The following RASSF8 variants were observed in gnomAD, a reference collection of about 807,000 sequenced individuals.
The protein encoded by RASSF8 is ras association domain-containing protein 8.
RASSF8 carries 22 observed loss-of-function variants against 48.5 expected under a neutral mutation model. The ratio of observed to expected loss-of-function variants is 0.45; its 90% CI spans 0.32 to 0.65. RASSF8 has a LOEUF of 0.65. RASSF8 is among the 30% of genes least tolerant of loss of function. RASSF8 has a pLI of 0.03. For synonymous variants in RASSF8, 127 were observed against 171.5 expected, an observed-to-expected ratio of 0.74 and a Z score of 2.03; for missense variants, 418 against 489.2, an observed-to-expected ratio of 0.85 and a Z score of 1.37.
At chr12:26,022,734 ATTTCTTTCTTTCTTT>A (rs1942816010) in intron 2 of RASSF8, among the ~76,000 whole-genome samples, 1 of 151,816 alleles carries the variant, frequency 6.6e-6, no homozygotes, top group African/African-American at 2.4e-5. Flanking sequence ...TCCACAGTTG[ATTTCTTTCTTTCTTT>A]TTTTTTTGAG....
intron 2 of RASSF8, among the ~76,000 whole-genome samples, chr12:26,025,484 C>G (rs1296443254): frequency 2.0e-5 from 3 of 150,986 alleles, no homozygotes. Flanking sequence ...ATGGCGTGAA[C>G]CCGGGAGATG....
chr12:25,987,505 TA>T (rs1408116847), intron 1 of RASSF8, among the ~76,000 whole-genome samples: 44 of 152,304 alleles, frequency 2.9e-4, no homozygotes, highest in African/African-American at 9.4e-4. Context: ...ACAGGTAAAG[TA>T]TAATCTGTAC....
chr12:26,039,520 G>A (rs1266081122), intron 2 of RASSF8, among the ~76,000 whole-genome samples: 1 of 152,036 alleles, frequency 6.6e-6, no homozygotes, highest in African/African-American at 2.4e-5. Flanking sequence ...TAAATGCCTT[G>A]CCTAACTTTG....
chr12:26,077,022 T>C (rs954421405), downstream of RASSF8, among the ~76,000 whole-genome samples: 1 of 152,272 alleles, frequency 6.6e-6, no homozygotes, highest in African/African-American at 2.4e-5. Context: ...CCAGTGATGA[T>C]GAACATTTTT....
In RASSF8 at chr12:26,069,835, A is replaced by G. The variant is rs10129050; in HGVS notation, c.*1017A>G. 243,044 of 983,734 alleles carry G rather than the reference A, an allele frequency of 0.25. 30,673 individuals carry two copies. Among genetic ancestry groups the G allele is most frequent in the Middle Eastern group, 0.29 (559 of 1,912 alleles). The allele number at this position is 983,734 out of a possible 1,614,324, so 60.9% of individuals were successfully genotyped here. A position where few individuals can be genotyped will look rare whatever the true frequency, so the allele number is the denominator to read the frequency against. ...ACATAATTTGCTCTGCATATTATGG[A>G]CCATTGTGGTTTCTTCCAGTCACTT... On this transcript the variant is annotated 3_prime_UTR_variant, in exon 6 of 6. Coordinates refer to ENST00000689635, the MANE Select transcript of RASSF8 (RefSeq NM_001394098.1).
rs1591823591 is a variant in RASSF8, at chr12:26,070,591, TTCTA to T, written c.*1778_*1781del. On this transcript the variant is annotated 3_prime_UTR_variant, in exon 6 of 6. Transcript: ENST00000689635. ...TTGCTCACAATTTATAGTAGTTATTTTCTATCTACCTATATTTAAAATTAGGATG... is the reference window on the plus strand; with the variant it reads ...TTGCTCACAATTTATAGTAGTTATTTTCTACCTATATTTAAAATTAGGATG... The T allele has an allele frequency of 1.0e-6, 1 of 966,760 alleles. No individual in the cohort carries two copies. The highest frequency in any genetic ancestry group is 1.8e-5 in the African/African-American group (1 of 56,782). The allele number at this position is 966,760 out of a possible 1,614,324, so 59.9% of individuals were successfully genotyped here.
At chr12:25,984,321 C>T (rs564125442) in intron 1 of RASSF8, among the ~76,000 whole-genome samples, 22 of 150,746 alleles carry the variant, frequency 1.5e-4, no homozygotes, top group African/African-American at 4.9e-4. Context: ...TCAAGCCATC[C>T]TCCTGCTTCA....
At chr12:26,054,178 A>G (rs1200334414) in intron 2 of RASSF8, among the ~76,000 whole-genome samples, 4 of 152,242 alleles carry the variant, frequency 2.6e-5, no homozygotes, top group Admixed American at 2.0e-4. Context: ...CCACAAAACA[A>G]TGGACAAACA....
In RASSF8 at chr12:26,055,488, T is replaced by C. The variant is rs747263758; in HGVS notation, c.103+42T>C. 3 of 1,471,364 alleles carry C rather than the reference T, an allele frequency of 2.0e-6. No homozygotes were observed. The Admixed American group carries it at 5.0e-5, about 25-fold the overall frequency. The allele number at this position is 1,471,364 out of a possible 1,614,324, so 91.1% of individuals were successfully genotyped here. A position where few individuals can be genotyped will look rare whatever the true frequency, so the allele number is the denominator to read the frequency against. On this transcript the variant is annotated intron_variant, in intron 3 of 5. Coordinates refer to ENST00000689635, the MANE Select transcript of RASSF8 (RefSeq NM_001394098.1). ...GGTATCTGAGAAAAGTACATTGTGCTTTCTTTCGTTGTATGTGTTTGTTTT... is the reference window on the plus strand; with the variant it reads ...GGTATCTGAGAAAAGTACATTGTGCCTTCTTTCGTTGTATGTGTTTGTTTT...
intron 1 of RASSF8, among the ~76,000 whole-genome samples, chr12:25,982,249 A>G (rs748562396): frequency 2.4e-4 from 36 of 152,242 alleles, no homozygotes; most frequent in Non-Finnish European, 5.0e-4. Flanking sequence ...TTAATAGCTT[A>G]AAACAATGAC....
chr12:26,055,612 G>A (rs74071667), intron 3 of RASSF8, among the ~76,000 whole-genome samples, 166 bp downstream of exon 3: 1,743 of 152,288 alleles, frequency 0.011, 28 homozygotes, highest in African/African-American at 0.04. Flanking sequence ...AGGTACATCT[G>A]TGATGATGCT....
chr12:25,978,295 A>T (rs1941656764), intron 1 of RASSF8, among the ~76,000 whole-genome samples: 3 of 152,222 alleles, frequency 2.0e-5, no homozygotes, highest in Admixed American at 2.0e-4. Flanking sequence ...GACTGGGCCT[A>T]AATATAACAT....
intron 3 of RASSF8, among the ~76,000 whole-genome samples, chr12:26,059,569 ATATGCTTT>A (rs1287814685): frequency 2.6e-5 from 4 of 152,104 alleles, no homozygotes; most frequent in Non-Finnish European, 2.9e-5. Context: ...TATACTCTTC[ATATGCTTT>A]TTGTAGTTTT....
downstream of RASSF8, among the ~76,000 whole-genome samples, chr12:26,073,655 C>G (rs1175489151): frequency 6.6e-6 from 1 of 151,894 alleles, no homozygotes; most frequent in African/African-American, 2.4e-5. Context: ...GGGAGAACCA[C>G]TTGAACCCGG....
chr12:26,074,171 T>C (rs1944049843), downstream of RASSF8, among the ~76,000 whole-genome samples: 1 of 152,186 alleles, frequency 6.6e-6, no homozygotes, highest in South Asian at 2.1e-4. Context: ...TACTGTTAAC[T>C]CTTCACCCAC....
chr12:25,974,497 CTTT>C (rs5797154), intron 1 of RASSF8, among the ~76,000 whole-genome samples: 55,078 of 146,604 alleles, frequency 0.38, 11,025 homozygotes, highest in Non-Finnish European at 0.46. Flanking sequence ...ACTAAAATAC[CTTT>C]TTTTTTTTTT....
intron 3 of RASSF8, among the ~76,000 whole-genome samples, chr12:26,056,553 G>A (rs1943607502): frequency 6.6e-6 from 1 of 152,204 alleles, no homozygotes; most frequent in Non-Finnish European, 1.5e-5. Context: ...GCTCAGCATT[G>A]AAATGAGTCA....
chr12:25,972,839 C>G (rs898288229), intron 1 of RASSF8, among the ~76,000 whole-genome samples: 1 of 152,184 alleles, frequency 6.6e-6, no homozygotes, highest in Non-Finnish European at 1.5e-5. Flanking sequence ...GTGCACAGAT[C>G]GAGAATACAG....
chr12:26,036,780 C>T (rs1943160449), intron 2 of RASSF8, among the ~76,000 whole-genome samples: 2 of 151,926 alleles, frequency 1.3e-5, no homozygotes, highest in Non-Finnish European at 2.9e-5. Flanking sequence ...AAAAATTAGC[C>T]AGGCTTGGTG....
Sources: gnomAD v4.1 joint callset for allele counts (sites outside exome capture counted in the v4.1 genomes callset) on GRCh38, gnomAD v4.1.1 for gene constraint, MANE v1.5 for transcripts, NCBI Gene and HGNC (gene_info 2026-07-23, HGNC 2026-07-21) for gene names.